The following PITPNC1 variants were observed in gnomAD, a reference collection of about 807,000 sequenced individuals.
The protein encoded by PITPNC1 is phosphatidylinositol transfer protein cytoplasmic 1.
PITPNC1 carries 18 observed loss-of-function variants against 44.7 expected under a neutral mutation model. The ratio of observed to expected loss-of-function variants is 0.40; its 90% CI spans 0.28 to 0.60. The LOEUF (loss-of-function observed/expected upper bound fraction) is 0.60, where lower values mean the gene tolerates loss of function less well. Ranked by LOEUF, PITPNC1 falls within the 20% of genes least tolerant of loss-of-function variation. PITPNC1 has a pLI of 0.39. For synonymous variants in PITPNC1, 141 were observed against 149.6 expected (o/e 0.94, Z 0.42); for missense variants, 290 against 418.4 (o/e 0.69, Z 2.68).
intron 1 of PITPNC1, among the ~76,000 whole-genome samples, chr17:67,484,006 C>A (rs2039740936): frequency 6.6e-6 from 1 of 151,422 alleles, no homozygotes; most frequent in Non-Finnish European, 1.5e-5. Context: ...GCAACCTCCA[C>A]CTCCCAGGTT....
At chr17:67,514,121 T>C (rs2040227515) in intron 1 of PITPNC1, among the ~76,000 whole-genome samples, 1 of 152,052 alleles carries the variant, frequency 6.6e-6, no homozygotes, top group South Asian at 2.1e-4. Context: ...GGAGAGACTG[T>C]GTGGGGAGGG....
At chr17:67,395,931 T>G (rs1304653395) in intron 1 of PITPNC1, among the ~76,000 whole-genome samples, 58 of 152,192 alleles carry the variant, frequency 3.8e-4, no homozygotes, top group Admixed American at 3.7e-3. Flanking sequence ...AATATTATGT[T>G]TTTGCTGCTC....
intron 4 of PITPNC1, among the ~76,000 whole-genome samples, chr17:67,561,531 C>T (rs887411233): frequency 6.6e-6 from 1 of 151,836 alleles, no homozygotes; most frequent in Non-Finnish European, 1.5e-5. Context: ...GTGAACTACA[C>T]GATAGTGTGT....
chr17:67,623,036 G>A (rs2706672), intron 5 of PITPNC1, among the ~76,000 whole-genome samples: 5,243 of 141,724 alleles, frequency 0.037, 208 homozygotes, highest in African/African-American at 0.096. Flanking sequence ...TGCTTCCAGT[G>A]TTCCTGCTGG....
chr17:67,640,079 C>CT (rs112006423), intron 6 of PITPNC1, among the ~76,000 whole-genome samples: 12,693 of 148,710 alleles, frequency 0.085, 738 homozygotes, highest in Admixed American at 0.18. Flanking sequence ...CTGTTATTAT[C>CT]TTTTTTTTTT....
intron 2 of PITPNC1, among the ~76,000 whole-genome samples, 176 bp downstream of exon 2, chr17:67,533,126 G>C (rs1293053636): frequency 6.6e-6 from 1 of 152,168 alleles, no homozygotes; most frequent in East Asian, 1.9e-4. Context: ...GAGCGAGGTG[G>C]CTCATGCCTG....
chr17:67,538,352 C>T (rs1274610552), intron 2 of PITPNC1, among the ~76,000 whole-genome samples: 1 of 152,124 alleles, frequency 6.6e-6, no homozygotes, highest in Non-Finnish European at 1.5e-5. Flanking sequence ...GTAATCCCAA[C>T]AATTTGAGAG....
intron 1 of PITPNC1, among the ~76,000 whole-genome samples, chr17:67,466,197 T>TGGGGGGGGGG (rs146770264): frequency 1.7e-5 from 1 of 59,146 alleles, no homozygotes; most frequent in Non-Finnish European, 3.6e-5. Flanking sequence ...GATGGTGGGG[T>TGGGGGGGGGG]GGGGGGGTGG....
intron 6 of PITPNC1, among the ~76,000 whole-genome samples, chr17:67,661,840 T>C (rs2042352672): frequency 6.6e-6 from 1 of 151,754 alleles, no homozygotes; most frequent in South Asian, 2.1e-4. Context: ...CTACTAAAAA[T>C]ACAAAAATTA....
chr17:67,633,707 T>C (rs980496334), intron 6 of PITPNC1, among the ~76,000 whole-genome samples: 11 of 152,244 alleles, frequency 7.2e-5, no homozygotes, highest in African/African-American at 2.7e-4. Context: ...TCCACAGAAA[T>C]CCTATAGTTT....
intron 5 of PITPNC1, among the ~76,000 whole-genome samples, chr17:67,618,659 G>T (rs990622669): frequency 1.3e-5 from 2 of 151,798 alleles, no homozygotes; most frequent in Admixed American, 6.6e-5. Context: ...GACTGAGGCA[G>T]GAGAATCACT....
At chr17:67,646,393 C>T (rs1372166813) in intron 6 of PITPNC1, among the ~76,000 whole-genome samples, 1 of 152,150 alleles carries the variant, frequency 6.6e-6, no homozygotes, top group African/African-American at 2.4e-5. Context: ...TGCTTGTCTT[C>T]ATCTTTTATT....
chr17:67,495,875 C>T lies in PITPNC1; in HGVS notation c.49-36927C>T, dbSNP rs189095576. On this transcript the variant is annotated intron_variant, in intron 1 of 8. Transcript: ENST00000581322. ...CGTTTAGCTAACTCTATGATGTTGT[C>T]ACGCTGACATGAATAGAGAGGGTTT... Among the ~76,000 whole-genome samples, 267 of 152,322 alleles carry T rather than the reference C, an allele frequency of 1.8e-3. 1 individual carries two copies. The highest frequency in any genetic ancestry group is 0.01 in the Middle Eastern group (3 of 294).
intron 1 of PITPNC1, among the ~76,000 whole-genome samples, chr17:67,509,705 T>A (rs1402174540): frequency 6.6e-6 from 1 of 152,148 alleles, no homozygotes; most frequent in Non-Finnish European, 1.5e-5. Flanking sequence ...ATATATCACA[T>A]CCTTTCCATG....
At chr17:67,691,639 ACAGT>A (rs1005733083) in intron 8 of PITPNC1, among the ~76,000 whole-genome samples, 1 of 152,228 alleles carries the variant, frequency 6.6e-6, no homozygotes, top group Non-Finnish European at 1.5e-5. Flanking sequence ...GGATCGACAC[ACAGT>A]CAGGAAACCA....
chr17:67,520,230 G>A (rs894059911), intron 1 of PITPNC1, among the ~76,000 whole-genome samples: 1 of 152,094 alleles, frequency 6.6e-6, no homozygotes, highest in Non-Finnish European at 1.5e-5. Context: ...GTAGTGGATG[G>A]ACCTCTCTGC....
In PITPNC1 at chr17:67,580,141, A is replaced by G. The variant is rs970330074; in HGVS notation, c.366+1884A>G. Among the ~76,000 whole-genome samples the G allele has an allele frequency of 3.3e-5, 5 of 152,228 alleles. 1 individual carries two copies. The highest frequency in any genetic ancestry group is 3.8e-4 in the East Asian group (2 of 5,202). On this transcript the variant is annotated intron_variant, in intron 5 of 8. Transcript: ENST00000581322. ...TGAATCATATAGTATGTTATTTTTA[A>G]CATGCCCTGAAGTATGCTTCCCTAT... is the stretch of plus-strand genomic sequence containing the variant.
intron 5 of PITPNC1, among the ~76,000 whole-genome samples, chr17:67,619,701 G>A (rs2041805753): frequency 6.6e-6 from 1 of 152,086 alleles, no homozygotes; most frequent in South Asian, 2.1e-4. Context: ...GTGCTCCTCT[G>A]AGAGCTTTCT....
At chr17:67,386,046 T>C (rs1012934388) in intron 1 of PITPNC1, among the ~76,000 whole-genome samples, 1 of 152,134 alleles carries the variant, frequency 6.6e-6, no homozygotes, top group Non-Finnish European at 1.5e-5. Context: ...TTCCTAAGGC[T>C]CTTGAAAGTC....
Sources: allele counts gnomAD v4.1 joint callset (sites outside exome capture counted in the v4.1 genomes callset), GRCh38; gene constraint gnomAD v4.1.1; transcripts MANE v1.5; gene names NCBI Gene and HGNC (gene_info 2026-07-23, HGNC 2026-07-21).